The following CCDC73 variants were observed in gnomAD, a reference collection of about 807,000 sequenced individuals.
CCDC73 encodes the protein coiled-coil domain containing 73.
A neutral mutation model predicts 116.5 loss-of-function variants in CCDC73; 95 were observed. That is an observed-to-expected ratio of 0.82 (90% CI 0.69 to 0.97). The LOEUF is 0.97. Among genes scored for constraint, CCDC73 ranks in the 50% least tolerant of loss-of-function variants. CCDC73 has a pLI of 0.00. For missense variants in CCDC73, 1,066 were observed against 1,206.8 expected, an observed-to-expected ratio of 0.88 and a Z score of 1.73; for synonymous variants, 398 against 401.3, an observed-to-expected ratio of 0.99 and a Z score of 0.10.
rs201411980 is a variant in CCDC73 at position 32,637,613 on chromosome 11, CAT to C, written c.1051-1785_1051-1784del. Among the ~76,000 whole-genome samples, 203 of 151,840 alleles carry C rather than the reference CAT, an allele frequency of 1.3e-3. No homozygotes were observed. The East Asian group carries it at 0.03, about 23-fold the overall frequency. ...TCCTGCCCCCAAACACACACACACACATACACATACACACACCCCTCTCCTCT... is the reference window on the plus strand; with the variant it reads ...TCCTGCCCCCAAACACACACACACACACACATACACACACCCCTCTCCTCT... On this transcript the variant is annotated intron_variant, in intron 13 of 17. Coordinates refer to ENST00000335185, the MANE Select transcript of CCDC73 (RefSeq NM_001008391.4).
chr11:32,616,935 G>T (rs1590545867), intron 14 of CCDC73, among the ~76,000 whole-genome samples: 1 of 152,146 alleles, frequency 6.6e-6, no homozygotes, highest in Non-Finnish European at 1.5e-5. Flanking sequence ...GTCAAGGAAG[G>T]TTTCTTGGAG....
rs1241925159 is a variant in CCDC73, at chr11:32,610,036, A to G, written c.3030+1096T>C. On this transcript the variant is annotated intron_variant, in intron 17 of 17. Transcript: ENST00000335185. The stretch of plus-strand genomic sequence containing the variant: ...GATCTCCTGACCTCATGATCCGCCC[A>G]CCTCAGCCTCCCAAAGTGCTGGGAT... Among the ~76,000 whole-genome samples the G allele has an allele frequency of 2.5e-4, 37 of 147,838 alleles. No individual in the cohort carries two copies. The Admixed American group carries it at 2.5e-3, about 10-fold the overall frequency.
At chr11:32,764,833 G>A (rs528806715) in intron 1 of CCDC73, among the ~76,000 whole-genome samples, 29 of 152,236 alleles carry the variant, frequency 1.9e-4, no homozygotes, top group African/African-American at 6.5e-4. Flanking sequence ...TGGATAAAGG[G>A]TCAAGACCCA....
the CCDC73 span, among the ~76,000 whole-genome samples, chr11:32,818,330 G>T: frequency 6.6e-6 from 1 of 152,308 alleles, no homozygotes; most frequent in South Asian, 2.1e-4. Context: ...CTAACTAGCT[G>T]TCAGCCCTTG....
chr11:32,735,507 A>G (rs1163409935), intron 2 of CCDC73, among the ~76,000 whole-genome samples: 1 of 152,224 alleles, frequency 6.6e-6, no homozygotes, highest in Non-Finnish European at 1.5e-5. Context: ...CTGCTCAACA[A>G]AATACAACAG....
At chr11:32,768,213 A>T (rs1590638642) in intron 1 of CCDC73, among the ~76,000 whole-genome samples, 1 of 152,224 alleles carries the variant, frequency 6.6e-6, no homozygotes, top group South Asian at 2.1e-4. Context: ...TCAGCAAACT[A>T]TCACAAGGAC....
intron 3 of CCDC73, among the ~76,000 whole-genome samples, chr11:32,709,339 C>T (rs1849880108): frequency 6.6e-6 from 1 of 151,976 alleles, no homozygotes; most frequent in Non-Finnish European, 1.5e-5. Context: ...TACTCTGTTG[C>T]CCAGGCTAGA....
At chr11:32,822,707 GC>G in the CCDC73 span, among the ~76,000 whole-genome samples, 1 of 151,300 alleles carries the variant, frequency 6.6e-6, no homozygotes, top group African/African-American at 2.4e-5. Flanking sequence ...AAACAAGAAA[GC>G]ATTGAGAATC....
At chr11:32,675,508 TAA>T (rs957695302) in intron 9 of CCDC73, 55 bp downstream of exon 9, 5 of 1,115,498 alleles carry the variant, frequency 4.5e-6, no homozygotes, top group African/African-American at 3.2e-5. Flanking sequence ...TAATAGCGCA[TAA>T]GACTATTTTA....
chr11:32,771,377 G>A (rs148263786), intron 1 of CCDC73, among the ~76,000 whole-genome samples: 155 of 152,230 alleles, frequency 1.0e-3, no homozygotes, highest in Middle Eastern at 3.4e-3. Flanking sequence ...GACCACTCCC[G>A]GGTTGCAGAA....
chr11:32,671,416 A>G (rs1856037009), intron 9 of CCDC73, among the ~76,000 whole-genome samples: 5 of 148,498 alleles, frequency 3.4e-5, no homozygotes, highest in Non-Finnish European at 3.0e-5. Context: ...AAAAAAAAAA[A>G]AGAAATTCCA....
At chr11:32,643,157 C>T (rs982895772) in intron 12 of CCDC73, among the ~76,000 whole-genome samples, 5 of 151,842 alleles carry the variant, frequency 3.3e-5, no homozygotes, top group African/African-American at 1.2e-4. Flanking sequence ...TCAATTACAT[C>T]TAGAATATCA....
At chr11:32,821,748 G>A in the CCDC73 span, among the ~76,000 whole-genome samples, 1 of 152,060 alleles carries the variant, frequency 6.6e-6, no homozygotes, top group African/African-American at 2.4e-5. Context: ...AAATCCTATT[G>A]GACAGAAACC....
In CCDC73 at chr11:32,613,563, G is replaced by T; in HGVS notation, c.2755C>A (p.Gln919Lys). Residue 919 changes from glutamine (Q) to lysine (K), a missense_variant, in exon 16 of 18, where the codon CAA becomes AAA. Gln to Lys is a moderately conservative substitution (Grantham distance 53). Coordinates refer to ENST00000335185, the MANE Select transcript of CCDC73 (RefSeq NM_001008391.4). ...CAAGGGGTCGAACTGCTCGCTGTTT[G>T]ACTTTCAATGTGATTTACTTTTGAC... ...PWSKVNHIES[Q>K]TASSSTPCIS... is the part of the protein sequence containing the mutation. The T allele has an allele frequency of 6.2e-7, 1 of 1,614,066 alleles. No homozygotes were observed. The highest frequency in any genetic ancestry group is 1.1e-5 in the South Asian group (1 of 91,074).
At chr11:32,820,763 A>G in the CCDC73 span, among the ~76,000 whole-genome samples, 3 of 152,156 alleles carry the variant, frequency 2.0e-5, no homozygotes, top group South Asian at 2.1e-4. Flanking sequence ...CTCTTTGTCA[A>G]TCTAACTGAC....
chr11:32,769,437 T>C (rs1212610694), intron 1 of CCDC73, among the ~76,000 whole-genome samples: 1 of 152,116 alleles, frequency 6.6e-6, no homozygotes, highest in Non-Finnish European at 1.5e-5. Flanking sequence ...GTAGACTTGG[T>C]TTGTTTATAT....
intron 2 of CCDC73, among the ~76,000 whole-genome samples, chr11:32,735,917 C>A (rs1003692512): frequency 2.0e-5 from 3 of 151,988 alleles, no homozygotes; most frequent in Non-Finnish European, 2.9e-5. Context: ...GAAAAGGAGT[C>A]CCTATTTAAC....
intron 13 of CCDC73, among the ~76,000 whole-genome samples, chr11:32,637,321 C>G (rs1465417837): frequency 6.6e-6 from 1 of 151,984 alleles, no homozygotes; most frequent in Non-Finnish European, 1.5e-5. Flanking sequence ...CTGTCTTTCT[C>G]ATTTCTTAAA....
At chr11:32,679,959 T>G (rs977571016) in intron 7 of CCDC73, 1 of 152,242 alleles carries the variant, frequency 6.6e-6, no homozygotes, top group Non-Finnish European at 1.5e-5. Context: ...TGCAGTTTCA[T>G]TGCATTTGTT....
Sources: gnomAD v4.1 joint callset for allele counts (sites outside exome capture counted in the v4.1 genomes callset) on GRCh38, gnomAD v4.1.1 for gene constraint, MANE v1.5 for transcripts, NCBI Gene and HGNC (gene_info 2026-07-23, HGNC 2026-07-21) for gene names.